Variants in MYO1B observed in about 807,000 individuals in gnomAD.
MYO1B encodes the protein myosin IB.
In MYO1B, 72 loss-of-function variants were observed where a neutral mutation model predicts 159.7. The observed-to-expected ratio is 0.45, with a 90% CI of 0.37 to 0.55. MYO1B has a LOEUF of 0.55. Among genes scored for constraint, MYO1B ranks in the 20% least tolerant of loss-of-function variants. The pLI, the probability that MYO1B is intolerant of heterozygous loss-of-function variation, is 0.00. For missense variants in MYO1B, 1,062 were observed against 1,364.8 expected (o/e 0.78, Z 3.50); for synonymous variants, 468 against 473.8 (o/e 0.99, Z 0.16).
At chr2:191,406,800 CA>C (rs1284092391) in intron 24 of MYO1B, among the ~76,000 whole-genome samples, 1 of 152,152 alleles carries the variant, frequency 6.6e-6, no homozygotes, top group Non-Finnish European at 1.5e-5. Context: ...CACAAACCTT[CA>C]ATTTGTAAAA....
At chr2:191,357,689 C>T (rs1394871352) in intron 7 of MYO1B, among the ~76,000 whole-genome samples, 2 of 152,188 alleles carry the variant, frequency 1.3e-5, no homozygotes, top group Non-Finnish European at 2.9e-5. Context: ...TCTGCTTTGA[C>T]TTAATTCAGG....
intron 1 of MYO1B, among the ~76,000 whole-genome samples, chr2:191,270,974 A>G (rs1687421689): frequency 6.6e-6 from 1 of 152,208 alleles, no homozygotes. Context: ...GCATTGTTGT[A>G]CGACTCAGTT....
intron 26 of MYO1B, among the ~76,000 whole-genome samples, chr2:191,409,892 T>C (rs977551841): frequency 2.6e-4 from 40 of 152,274 alleles, no homozygotes; most frequent in African/African-American, 9.6e-4. Context: ...TGTAATAAAA[T>C]CATGAGATGG....
intron 11 of MYO1B, 118 bp from the exon 12 acceptor site, chr2:191,369,424 T>C (rs1680232480): frequency 1.3e-6 from 1 of 752,718 alleles, no homozygotes; most frequent in African/African-American, 1.8e-5. Flanking sequence ...AAACTGGTTC[T>C]GCAAAGATGT....
At chr2:191,381,294 G>A (rs540674302) in intron 13 of MYO1B, 168 bp from the exon 14 acceptor site, 2 of 693,134 alleles carry the variant, frequency 2.9e-6, no homozygotes, top group Non-Finnish European at 5.3e-6. Flanking sequence ...CCCACTCCTC[G>A]AGTGCCTGCA....
chr2:191,349,716 G>A (rs1174177633), intron 6 of MYO1B, among the ~76,000 whole-genome samples: 1 of 152,148 alleles, frequency 6.6e-6, no homozygotes, highest in Non-Finnish European at 1.5e-5. Flanking sequence ...TATAAAAACA[G>A]ATCTCTGAAC....
At chr2:191,358,502 T>C (rs914302740) in intron 7 of MYO1B, among the ~76,000 whole-genome samples, 9 of 152,252 alleles carry the variant, frequency 5.9e-5, no homozygotes, top group Admixed American at 2.0e-4. Context: ...GTGGTTGTTA[T>C]CTGCTGAATC....
At chr2:191,351,703 A>G (rs1195621388) in intron 7 of MYO1B, among the ~76,000 whole-genome samples, 1 of 152,142 alleles carries the variant, frequency 6.6e-6, no homozygotes, top group Non-Finnish European at 1.5e-5. Flanking sequence ...CCTGGCCAAC[A>G]TGTGAAACCC....
chr2:191,255,050 C>G (rs1479912491), intron 1 of MYO1B, among the ~76,000 whole-genome samples: 1 of 152,028 alleles, frequency 6.6e-6, no homozygotes, highest in Admixed American at 6.6e-5. Context: ...GTCTCCACCT[C>G]CCAAGCAGCT....
At chr2:191,262,347 C>CAG (rs1686868627) in intron 1 of MYO1B, among the ~76,000 whole-genome samples, 1 of 152,144 alleles carries the variant, frequency 6.6e-6, no homozygotes, top group Admixed American at 6.5e-5. Context: ...AACAACTGCA[C>CAG]AGAGCAGTCC....
chr2:191,391,835 C>G (rs983663711), intron 18 of MYO1B, among the ~76,000 whole-genome samples: 2 of 152,206 alleles, frequency 1.3e-5, no homozygotes, highest in African/African-American at 2.4e-5. Flanking sequence ...ATTTTTGATA[C>G]AAGTATTGCC....
chr2:191,267,001 G>T (rs1187633083), intron 1 of MYO1B, among the ~76,000 whole-genome samples: 4 of 152,022 alleles, frequency 2.6e-5, no homozygotes, highest in African/African-American at 9.7e-5. Context: ...TTGATTAAGG[G>T]TATCTCCTTG....
At chr2:191,253,449 C>G (rs965019700) in intron 1 of MYO1B, among the ~76,000 whole-genome samples, 1 of 152,114 alleles carries the variant, frequency 6.6e-6, no homozygotes, top group African/African-American at 2.4e-5. Flanking sequence ...TCCTTCCCCC[C>G]AGAAGCCCCT....
intron 2 of MYO1B, among the ~76,000 whole-genome samples, chr2:191,279,678 C>A (rs1687940456): frequency 6.6e-6 from 1 of 152,040 alleles, no homozygotes; most frequent in Non-Finnish European, 1.5e-5. Flanking sequence ...GCTTGATGCC[C>A]AAGGCTAAGT....
intron 15 of MYO1B, among the ~76,000 whole-genome samples, chr2:191,384,386 T>A (rs1695279020): frequency 6.6e-6 from 1 of 152,232 alleles, no homozygotes. Context: ...CATTTTCTAC[T>A]CATCTTTTAC....
At chr2:191,400,322 A>T in intron 21 of MYO1B, 60 bp from the exon 22 acceptor site, 1 of 1,570,330 alleles carries the variant, frequency 6.4e-7, no homozygotes, top group Non-Finnish European at 8.8e-7. Context: ...TTTTTTTTCA[A>T]GTCACTGTCA....
At chr2:191,332,561 C>T (rs1311187725) in intron 4 of MYO1B, among the ~76,000 whole-genome samples, 1 of 152,178 alleles carries the variant, frequency 6.6e-6, no homozygotes, top group African/African-American at 2.4e-5. Context: ...GATAATGATA[C>T]TAGCTAACCC....
At chr2:191,383,086 G>A (rs539552672) in intron 14 of MYO1B, among the ~76,000 whole-genome samples, 194 bp from the exon 15 acceptor site, 8 of 152,146 alleles carry the variant, frequency 5.3e-5, no homozygotes, top group Non-Finnish European at 1.0e-4. Context: ...GCTTCAATCA[G>A]ATTATGTCAG....
At position 191,362,293 on chromosome 2, in the gene MYO1B, C is replaced by T. The variant is rs149444637; in HGVS notation, c.687C>T (p.Phe229=). Residue 229 remains phenylalanine (F), a synonymous_variant, in exon 9 of 31, where the codon TTC becomes TTT. Coordinates refer to ENST00000392318, the MANE Select transcript of MYO1B (RefSeq NM_001130158.3). ...ATAAACTTAAGCTTGAGAGGGATTT[C>T]AGCAGGTATAACTACCTGAGTCTGG... is the stretch of plus-strand genomic sequence containing the variant. The part of the protein sequence containing the change: ...LLNKLKLERD[F]SRYNYLSLDS... 16 of 1,613,728 alleles carry T rather than the reference C, an allele frequency of 9.9e-6. No individual in the cohort carries two copies. In the Admixed American group the frequency reaches 2.7e-4, roughly 27 times the overall value.
Sources: gnomAD v4.1 joint callset for allele counts (sites outside exome capture counted in the v4.1 genomes callset) on GRCh38, gnomAD v4.1.1 for gene constraint, MANE v1.5 for transcripts, NCBI Gene and HGNC (gene_info 2026-07-23, HGNC 2026-07-21) for gene names.